The following GCA variants were observed in gnomAD, a reference collection of about 807,000 sequenced individuals.
GCA encodes grancalcin, also known as grancalcin, EF-hand calcium-binding protein.
Under a neutral mutation model 32.6 loss-of-function variants are expected in GCA, and 30 were observed. The ratio of observed to expected loss-of-function variants is 0.92; its 90% CI spans 0.69 to 1.25. The LOEUF (loss-of-function observed/expected upper bound fraction) is 1.25, where lower values mean the gene tolerates loss of function less well. GCA is among the 50% of genes most tolerant of loss of function. The pLI is 0.00. For synonymous variants in GCA, 102 were observed against 84.6 expected, an observed-to-expected ratio of 1.21 and a Z score of -1.13; for missense variants, 291 against 266.8, an observed-to-expected ratio of 1.09 and a Z score of -0.63.
chr2:162,348,761 C>A (rs1684838145), intron 2 of GCA, among the ~76,000 whole-genome samples: 1 of 152,014 alleles, frequency 6.6e-6, no homozygotes, highest in Non-Finnish European at 1.5e-5. Context: ...ACAGTTTATT[C>A]TTTTCCAAGT....
At chr2:162,365,579 C>G (rs1379284633), downstream of GCA, among the ~76,000 whole-genome samples, 1 of 151,624 alleles carries the variant, frequency 6.6e-6, no homozygotes, top group African/African-American at 2.4e-5. Flanking sequence ...ACTACTTAGC[C>G]AGATGTAAGT....
Position 162,360,765 on chromosome 2 carries a change from C to G in GCA, c.*522C>G. ...AATCAGAGAAAAGAAACTTAAAGATCTTTGTCTGTGAAGAAGAAAATTATC... is the reference window on the plus strand; with the variant it reads ...AATCAGAGAAAAGAAACTTAAAGATGTTTGTCTGTGAAGAAGAAAATTATC... On this transcript the variant is annotated 3_prime_UTR_variant, in exon 8 of 8. Transcript: ENST00000437150. 1.5e-6 allele frequency: 2 copies of G among 1,372,362 alleles called. No individual in the cohort carries two copies. Among genetic ancestry groups the G allele is most frequent in the Non-Finnish European group, 1.9e-6 (2 of 1,062,040 alleles). 85.0% of individuals were successfully genotyped at this position (1,372,362 alleles called of 1,614,324 possible).
chr2:162,350,498 CT>C (rs1479213330), intron 2 of GCA, among the ~76,000 whole-genome samples: 4 of 152,044 alleles, frequency 2.6e-5, no homozygotes, highest in African/African-American at 9.7e-5. Flanking sequence ...CTTAACTGTT[CT>C]ACTCATTATA....
rs561795690 is a variant in GCA, at chr2:162,353,077, G to C, written c.262+670G>C. On this transcript the variant is annotated intron_variant, in intron 3 of 7. Transcript: ENST00000437150. ...TGAAGCTGGTTTCCCCGTTTCTCTTGAGTTAGATCTCCTTTTTACTCCATC... is the reference window on the plus strand; with the variant it reads ...TGAAGCTGGTTTCCCCGTTTCTCTTCAGTTAGATCTCCTTTTTACTCCATC... 2.0e-5 allele frequency among the ~76,000 whole-genome samples: 3 copies of C among 152,176 alleles called. No individual in the cohort carries two copies. The East Asian group carries it at 5.8e-4, about 29-fold the overall frequency.
At chr2:162,372,111 C>A (rs747400528), downstream of GCA, 1 of 1,590,590 alleles carries the variant, frequency 6.3e-7, no homozygotes, top group Non-Finnish European at 8.6e-7. Context: ...GGAAAAAGAA[C>A]AAAACAAGTT....
At chr2:162,349,516 G>T (rs375835743) in intron 2 of GCA, among the ~76,000 whole-genome samples, 1 of 151,964 alleles carries the variant, frequency 6.6e-6, no homozygotes, top group South Asian at 2.1e-4. Context: ...TTTAAGATGT[G>T]TGTTTTTTTT....
intron 1 of GCA, among the ~76,000 whole-genome samples, chr2:162,320,929 G>A (rs745974454): frequency 6.6e-6 from 1 of 152,150 alleles, no homozygotes; most frequent in African/African-American, 2.4e-5. Context: ...TTCCCAAATA[G>A]TCATCCTCCT....
At chr2:162,338,626 G>A (rs370625980) in intron 1 of GCA, among the ~76,000 whole-genome samples, 114 of 152,196 alleles carry the variant, frequency 7.5e-4, no homozygotes, top group East Asian at 7.7e-4. Flanking sequence ...AGCTTTGTGG[G>A]TATATCATCC....
downstream of GCA, chr2:162,373,659 A>C (rs1292348820): frequency 6.7e-7 from 1 of 1,502,414 alleles, no homozygotes; most frequent in Non-Finnish European, 8.9e-7. Flanking sequence ...TTTGGGATTC[A>C]AGCCTACAGA....
At chr2:162,334,980 C>T (rs1684221597) in intron 1 of GCA, among the ~76,000 whole-genome samples, 1 of 152,130 alleles carries the variant, frequency 6.6e-6, no homozygotes, top group Non-Finnish European at 1.5e-5. Flanking sequence ...TAAAACTGCT[C>T]CTAGATTTTC....
chr2:162,355,632 A>G (rs1026068778), intron 3 of GCA, among the ~76,000 whole-genome samples: 1 of 152,006 alleles, frequency 6.6e-6, no homozygotes, highest in African/African-American at 2.4e-5. Flanking sequence ...GATTAGAAAA[A>G]TTGAATTTTA....
downstream of GCA, among the ~76,000 whole-genome samples, chr2:162,366,539 G>T (rs1394084183): frequency 6.6e-6 from 1 of 151,816 alleles, no homozygotes; most frequent in Non-Finnish European, 1.5e-5. Context: ...TAACCGAAGT[G>T]TGTTTGTACC....
chr2:162,324,798 G>A (rs2105257932), intron 1 of GCA, among the ~76,000 whole-genome samples: 1 of 152,290 alleles, frequency 6.6e-6, no homozygotes, highest in Non-Finnish European at 1.5e-5. Context: ...TATCCCCTCT[G>A]AAGAGGTACA....
chr2:162,372,365 T>C (rs556175532), downstream of GCA, among the ~76,000 whole-genome samples: 12 of 152,212 alleles, frequency 7.9e-5, no homozygotes, highest in African/African-American at 2.4e-4. Flanking sequence ...TTATTTTACA[T>C]TGAGTTTTCC....
At chr2:162,358,755 T>G (rs1281031253) in intron 5 of GCA, among the ~76,000 whole-genome samples, 1 of 151,400 alleles carries the variant, frequency 6.6e-6, no homozygotes, top group African/African-American at 2.4e-5. Context: ...CCCATGAAAT[T>G]AGACATTATT....
At chr2:162,352,638 A>G (rs929072349) in intron 3 of GCA, among the ~76,000 whole-genome samples, 4 of 152,142 alleles carry the variant, frequency 2.6e-5, no homozygotes, top group African/African-American at 9.7e-5. Context: ...TAAAAATCTG[A>G]TTCTTTTGAA....
intron 1 of GCA, among the ~76,000 whole-genome samples, chr2:162,335,521 C>G (rs1449531098): frequency 6.6e-6 from 1 of 151,996 alleles, no homozygotes; most frequent in Non-Finnish European, 1.5e-5. Flanking sequence ...GGGCATCCCT[C>G]TATGTCCTAA....
chr2:162,325,576 A>G (rs543354388), intron 1 of GCA, among the ~76,000 whole-genome samples: 15 of 152,286 alleles, frequency 9.8e-5, no homozygotes, highest in African/African-American at 2.9e-4. Flanking sequence ...TGCACACCTG[A>G]AAGTGTTTCC....
chr2:162,352,723 C>A (rs974264972), intron 3 of GCA, among the ~76,000 whole-genome samples: 1 of 151,988 alleles, frequency 6.6e-6, no homozygotes, highest in African/African-American at 2.4e-5. Context: ...CTATTGATAT[C>A]CTGCTATGAA....
Sources: gnomAD v4.1 joint callset for allele counts (sites outside exome capture counted in the v4.1 genomes callset) on GRCh38, gnomAD v4.1.1 for gene constraint, MANE v1.5 for transcripts, NCBI Gene and HGNC (gene_info 2026-07-23, HGNC 2026-07-21) for gene names.